HTR1F: variants seen among roughly 807,000 people sequenced by gnomAD.
HTR1F encodes 5-hydroxytryptamine (serotonin) receptor 1F, G protein-coupled.
A neutral mutation model predicts 24.0 loss-of-function variants in HTR1F; 17 were observed. That is an observed-to-expected ratio of 0.71 (90% confidence interval 0.48 to 1.06). HTR1F has a LOEUF of 1.06. Ranked by LOEUF, HTR1F falls within the 50% of genes least tolerant of loss-of-function variation. HTR1F has a pLI of 0.00. For missense variants in HTR1F, 391 were observed against 427.8 expected (o/e 0.91, Z 0.76); for synonymous variants, 186 against 156.8 (o/e 1.19, Z -1.39).
intron 2 of HTR1F, among the ~76,000 whole-genome samples, chr3:87,981,169 G>T (rs1029217183): frequency 6.6e-6 from 1 of 152,078 alleles, no homozygotes; most frequent in African/African-American, 2.4e-5. Flanking sequence ...TAGCACTTAC[G>T]GGTTTGTTTT....
Position 87,991,209 on chromosome 3 carries a change from A to T in HTR1F, c.460A>T (p.Ile154Phe), listed in dbSNP as rs1335962605. ...AATAGTTTGGATTATATCTGTTTTT[A>T]TCTCTATGCCTCCTCTATTCTGGAG... ...ITIVWIISVF[I>F]SMPPLFWRHQ... The change falls in exon 3 of 3, where the codon ATC (isoleucine) becomes TTC (phenylalanine). Residue 154 changes from isoleucine to phenylalanine, a missense_variant. Ile to Phe is a conservative substitution (Grantham distance 21). Coordinates refer to ENST00000319595, the MANE Select transcript of HTR1F (RefSeq NM_001322209.2). 1 of 1,613,916 alleles carries T rather than the reference A, an allele frequency of 6.2e-7. No individual in the cohort carries two copies. The highest frequency in any genetic ancestry group is 8.5e-7 in the Non-Finnish European group (1 of 1,180,014).
intron 2 of HTR1F, among the ~76,000 whole-genome samples, chr3:87,922,308 C>T (rs1303218343): frequency 6.6e-6 from 1 of 151,560 alleles, no homozygotes; most frequent in Non-Finnish European, 1.5e-5. Flanking sequence ...TACTTCTTGG[C>T]CATTTATAGG....
In HTR1F at chr3:87,795,708, C is replaced by T. The variant is rs183909344; in HGVS notation, c.-160+2866C>T. Among the ~76,000 whole-genome samples the T allele has an allele frequency of 1.2e-3, 177 of 152,266 alleles. 1 individual carries two copies. The highest frequency in any genetic ancestry group is 0.01 in the Middle Eastern group (3 of 294). On this transcript the variant is annotated intron_variant, in intron 1 of 2. Coordinates refer to ENST00000319595, the MANE Select transcript of HTR1F (RefSeq NM_001322209.2). ...TCCATTCCCTCAGCCTTAAATTAGA[C>T]AGAGAAGAAATACTAATTTCTGATC...
intron 1 of HTR1F, among the ~76,000 whole-genome samples, chr3:87,814,038 G>A (rs1322921858): frequency 1.3e-5 from 2 of 152,048 alleles, no homozygotes; most frequent in Non-Finnish European, 2.9e-5. Context: ...TTTAAAAGTG[G>A]TTACTAGGCT....
At chr3:87,901,546 C>T (rs1354326837) in intron 2 of HTR1F, among the ~76,000 whole-genome samples, 3 of 152,096 alleles carry the variant, frequency 2.0e-5, no homozygotes, top group Non-Finnish European at 4.4e-5. Flanking sequence ...ATTTTCTAGA[C>T]TTCTTAAGGG....
intron 2 of HTR1F, among the ~76,000 whole-genome samples, chr3:87,829,939 C>A (rs981391286): frequency 2.0e-5 from 3 of 152,094 alleles, no homozygotes; most frequent in Non-Finnish European, 2.9e-5. Flanking sequence ...ACTGACTAAT[C>A]ACTTTTGCTT....
At chr3:87,912,024 A>C (rs781066615) in intron 2 of HTR1F, among the ~76,000 whole-genome samples, 54 of 152,024 alleles carry the variant, frequency 3.6e-4, no homozygotes, top group Non-Finnish European at 6.6e-4. Context: ...AATGTCCTCT[A>C]TCACCACTCC....
chr3:87,925,252 T>TG (rs1463227222), intron 2 of HTR1F, among the ~76,000 whole-genome samples: 1 of 152,086 alleles, frequency 6.6e-6, no homozygotes, highest in East Asian at 1.9e-4. Context: ...CGACCAATGG[T>TG]GGCAGATGCT....
chr3:87,808,772 G>A (rs1704113808), intron 1 of HTR1F, among the ~76,000 whole-genome samples: 1 of 151,754 alleles, frequency 6.6e-6, no homozygotes, highest in Non-Finnish European at 1.5e-5. Flanking sequence ...TCTTAGCACT[G>A]CTTTTGCTGT....
intron 2 of HTR1F, among the ~76,000 whole-genome samples, chr3:87,863,369 A>G (rs1278304796): frequency 6.6e-6 from 1 of 152,172 alleles, no homozygotes; most frequent in Non-Finnish European, 1.5e-5. Context: ...TTTTTCAAAC[A>G]TTTTATTTGT....
Position 87,990,780 on chromosome 3 carries a change from T to A in HTR1F, c.31T>A (p.Leu11Met), listed in dbSNP as rs753630113. The change falls in exon 3 of 3, where the codon TTG becomes ATG. Residue 11 changes from leucine (L) to methionine (M), a missense_variant. Coordinates refer to ENST00000319595, the MANE Select transcript of HTR1F (RefSeq NM_001322209.2). MDFLNSSDQN[L>M]TSEELLNRMP... ...TTTCTTAAATTCATCTGATCAAAAC[T>A]TGACCTCAGAGGAACTGTTAAACAG... is the stretch of plus-strand genomic sequence containing the variant. The A allele has an allele frequency of 2.5e-6, 4 of 1,613,436 alleles. No individual in the cohort carries two copies. The South Asian group carries it at 4.4e-5, about 18-fold the overall frequency.
intron 1 of HTR1F, among the ~76,000 whole-genome samples, chr3:87,797,565 G>A (rs552929107): frequency 1.7e-4 from 26 of 152,050 alleles, no homozygotes; most frequent in African/African-American, 5.8e-4. Context: ...ATAGAAGGAA[G>A]ATAAACTCTG....
rs1378407918 is a variant in HTR1F at position 87,811,831 on chromosome 3, T to G, written c.-159-10177T>G. ...CTGTTGCCCTACTCAAATCTCATCT[T>G]GAATTGTAATGCCCATGTGTGGAGA... On this transcript the variant is annotated intron_variant, in intron 1 of 2. Coordinates refer to ENST00000319595, the MANE Select transcript of HTR1F (RefSeq NM_001322209.2). Among the ~76,000 whole-genome samples the G allele has an allele frequency of 3.3e-5, 5 of 152,282 alleles. No homozygotes were observed. In the East Asian group the frequency reaches 9.7e-4, roughly 29 times the overall value.
chr3:87,931,191 C>T (rs1275377611), intron 2 of HTR1F, among the ~76,000 whole-genome samples: 1 of 151,980 alleles, frequency 6.6e-6, no homozygotes, highest in African/African-American at 2.4e-5. Flanking sequence ...AATGCTATCA[C>T]TCCCCCCTCC....
intron 1 of HTR1F, among the ~76,000 whole-genome samples, chr3:87,801,272 A>G (rs1703985039): frequency 6.6e-6 from 1 of 152,156 alleles, no homozygotes; most frequent in Admixed American, 6.5e-5. Context: ...TTCTTTTTGT[A>G]TTATCTCCTC....
chr3:87,924,761 C>T (rs746659087), intron 2 of HTR1F, among the ~76,000 whole-genome samples: 6 of 152,058 alleles, frequency 3.9e-5, no homozygotes, highest in African/African-American at 7.2e-5. Context: ...TTCCTTCATA[C>T]GTGATTTGAT....
intron 2 of HTR1F, among the ~76,000 whole-genome samples, chr3:87,915,413 A>C (rs1045840198): frequency 6.6e-6 from 1 of 152,182 alleles, no homozygotes; most frequent in Non-Finnish European, 1.5e-5. Context: ...TCAGGGAAGC[A>C]CCAGAGAAAG....
At position 87,934,029 on chromosome 3, in the gene HTR1F, G is replaced by C. The variant is rs1704351713; in HGVS notation, c.-42-56679G>C. Among the ~76,000 whole-genome samples the C allele has an allele frequency of 2.6e-5, 4 of 152,234 alleles. No homozygotes were observed. In the South Asian group the frequency reaches 6.2e-4, roughly 24 times the overall value. Reference sequence around the variant, plus strand: ...AGTCCCTGGGAAAACTGTTCCTGCTGTATGTCACTTCATAATATCTGGTTC... The same window carrying C: ...AGTCCCTGGGAAAACTGTTCCTGCTCTATGTCACTTCATAATATCTGGTTC... On this transcript the variant is annotated intron_variant, in intron 2 of 2. Transcript: ENST00000319595.
At chr3:87,839,931 A>G (rs1208543247) in intron 2 of HTR1F, among the ~76,000 whole-genome samples, 1 of 152,188 alleles carries the variant, frequency 6.6e-6, no homozygotes, top group Non-Finnish European at 1.5e-5. Context: ...TGCAAAGGAC[A>G]TGATTTCATT....
Sources: allele counts gnomAD v4.1 joint callset (sites outside exome capture counted in the v4.1 genomes callset), GRCh38; gene constraint gnomAD v4.1.1; transcripts MANE v1.5; gene names NCBI Gene and HGNC (gene_info 2026-07-23, HGNC 2026-07-21).